FGF2: variants seen among roughly 807,000 people sequenced by gnomAD.
FGF2 encodes the protein basic fibroblast growth factor bFGF.
Under a neutral mutation model 15.9 loss-of-function variants are expected in FGF2, and 13 were observed. The ratio of observed to expected loss-of-function variants is 0.82; its 90% CI spans 0.53 to 1.30. The LOEUF (loss-of-function observed/expected upper bound fraction) is 1.30. Among genes scored for constraint, FGF2 ranks in the 50% most tolerant of loss-of-function variants. The probability of loss-of-function intolerance (pLI) is 0.00; values close to 1 mark genes in which losing one functional copy is unlikely to be tolerated. For synonymous variants in FGF2, 90 were observed against 78.4 expected (o/e 1.15, Z -0.78); for missense variants, 163 against 196.9 (o/e 0.83, Z 1.03).
chr4:122,857,054 A>T (rs1726356830), intron 1 of FGF2, among the ~76,000 whole-genome samples: 1 of 152,210 alleles, frequency 6.6e-6, no homozygotes, highest in Non-Finnish European at 1.5e-5. Flanking sequence ...TTGCTGTGCC[A>T]GGAGTCAGTG....
intron 1 of FGF2, among the ~76,000 whole-genome samples, chr4:122,850,347 T>C (rs1726204602): frequency 6.6e-6 from 1 of 152,194 alleles, no homozygotes; most frequent in South Asian, 2.1e-4. Flanking sequence ...TGGAACAATG[T>C]ACTTGGGAGG....
chr4:122,827,408 T>C lies in FGF2; in HGVS notation c.178+56T>C. On this transcript the variant is annotated intron_variant, in intron 1 of 2. Transcript: ENST00000644866. This position sits in a 1 kb window ranked among gnomAD's most constrained non-coding sequence, Gnocchi z 4.2. ...TTCCATTTCGTGGGTTCTCGCCCGC[T>C]CTCTCCCCTCCAGCCTGCACCCTCC... 4 of 1,583,188 alleles carry C rather than the reference T, an allele frequency of 2.5e-6. No individual in the cohort carries two copies. Among genetic ancestry groups the C allele is most frequent in the Non-Finnish European group, 3.5e-6 (4 of 1,155,404 alleles).
chr4:122,877,891 A>T (rs45490198), intron 2 of FGF2, among the ~76,000 whole-genome samples: 5 of 152,240 alleles, frequency 3.3e-5, no homozygotes, highest in Admixed American at 6.5e-5. Flanking sequence ...TGTATGACAA[A>T]GATATACTTA....
At chr4:122,839,941 C>G (rs148195501) in intron 1 of FGF2, among the ~76,000 whole-genome samples, 12 of 152,272 alleles carry the variant, frequency 7.9e-5, no homozygotes, top group African/African-American at 2.6e-4. Flanking sequence ...AGGCCCCTCT[C>G]CTTGGCTTGT....
intron 2 of FGF2, among the ~76,000 whole-genome samples, chr4:122,890,685 T>C (rs1308789364): frequency 6.6e-6 from 1 of 152,178 alleles, no homozygotes; most frequent in Non-Finnish European, 1.5e-5. Context: ...GTTTGCCTTA[T>C]CTTAGAACCA....
In FGF2 at chr4:122,827,479, C is replaced by T; in HGVS notation, c.178+127C>T. ...CCTAGCGCTCCGTGTGGTTTCTGGCCGCGCGGCCCTCGGCGGTTTCGGGTT... is the reference window on the plus strand; with the variant it reads ...CCTAGCGCTCCGTGTGGTTTCTGGCTGCGCGGCCCTCGGCGGTTTCGGGTT... On this transcript the variant is annotated intron_variant, in intron 1 of 2. Coordinates refer to ENST00000644866, the MANE Select transcript of FGF2 (RefSeq NM_001361665.2). This position sits in a 1 kb window ranked among gnomAD's most constrained non-coding sequence, Gnocchi z 4.2. The T allele has an allele frequency of 8.9e-7, 1 of 1,127,426 alleles. No homozygotes were observed. The highest frequency in any genetic ancestry group is 1.3e-6 in the Non-Finnish European group (1 of 770,602). The allele number at this position is 1,127,426 out of a possible 1,614,324, so 69.8% of individuals were successfully genotyped here. A position where few individuals can be genotyped will look rare whatever the true frequency, so the allele number is the denominator to read the frequency against.
At chr4:122,886,224 GT>G (rs942577934) in intron 2 of FGF2, among the ~76,000 whole-genome samples, 1 of 151,958 alleles carries the variant, frequency 6.6e-6, no homozygotes, top group African/African-American at 2.4e-5. Context: ...CTGACCTGAT[GT>G]TTTTTTCATG....
At chr4:122,841,195 T>A (rs1725977012) in intron 1 of FGF2, among the ~76,000 whole-genome samples, 7 of 152,236 alleles carry the variant, frequency 4.6e-5, no homozygotes, top group Admixed American at 4.6e-4. Context: ...CTCCAACAGC[T>A]AAATAAGTTT....
At chr4:122,872,075 T>G (rs1396263261) in intron 1 of FGF2, among the ~76,000 whole-genome samples, 1 of 152,120 alleles carries the variant, frequency 6.6e-6, no homozygotes, top group Admixed American at 6.6e-5. Context: ...AAAACTACGC[T>G]GAGCTAAAAG....
chr4:122,885,608 A>G (rs1578479900), intron 2 of FGF2, among the ~76,000 whole-genome samples: 2 of 152,188 alleles, frequency 1.3e-5, no homozygotes, highest in East Asian at 3.8e-4. Context: ...GAGTATCTAT[A>G]TACTCCACAC....
intron 1 of FGF2, among the ~76,000 whole-genome samples, chr4:122,835,338 GT>G (rs35967448): frequency 1.5e-4 from 22 of 145,314 alleles, no homozygotes; most frequent in Admixed American, 9.6e-4. Context: ...ACTTTCTTCT[GT>G]TTTTTTTTTG....
At chr4:122,862,658 G>A (rs998429649) in intron 1 of FGF2, among the ~76,000 whole-genome samples, 1 of 152,156 alleles carries the variant, frequency 6.6e-6, no homozygotes, top group Non-Finnish European at 1.5e-5. Flanking sequence ...TGTTTGTCAT[G>A]GATATTGTAG....
chr4:122,872,241 C>CA (rs1209976582), intron 1 of FGF2, among the ~76,000 whole-genome samples: 2 of 151,326 alleles, frequency 1.3e-5, no homozygotes, highest in African/African-American at 2.4e-5. Flanking sequence ...CAAGTATCAA[C>CA]ACCCAAATCA....
In FGF2 at chr4:122,826,851, G is replaced by A. The variant is rs1235542932; in HGVS notation, c.-324G>A. The stretch of plus-strand genomic sequence containing the variant: ...CGGGTGCCAGATTAGCGGACGCGGT[G>A]CCCGCGGTTGCAACGGGATCCCGGG... On this transcript the variant is annotated 5_prime_UTR_variant, in exon 1 of 3. Coordinates refer to ENST00000644866, the MANE Select transcript of FGF2 (RefSeq NM_001361665.2). The A allele has an allele frequency of 6.0e-6, 9 of 1,499,334 alleles. No homozygotes were observed. Among genetic ancestry groups the A allele is most frequent in the Non-Finnish European group, 8.0e-6 (9 of 1,121,962 alleles). 92.9% of individuals were successfully genotyped at this position (1,499,334 alleles called of 1,614,324 possible).
chr4:122,884,685 A>G (rs1305421383), intron 2 of FGF2: 1 of 152,174 alleles, frequency 6.6e-6, no homozygotes, highest in East Asian at 1.9e-4. Context: ...TGAAAAATCA[A>G]TGTACTGTAA....
At position 122,893,319 on chromosome 4, in the gene FGF2, G is replaced by A. The variant is rs919650766; in HGVS notation, c.*923G>A. On this transcript the variant is annotated 3_prime_UTR_variant, in exon 3 of 3. Coordinates refer to ENST00000644866, the MANE Select transcript of FGF2 (RefSeq NM_001361665.2). ...TCAGTTAAAGTAGCATTATGTAAAG[G>A]CTCAAAACATTACCCTAACAAAGTA... 1 of 1,214,948 alleles carries A rather than the reference G, an allele frequency of 8.2e-7. No individual in the cohort carries two copies. The highest frequency in any genetic ancestry group is 1.1e-6 in the Non-Finnish European group (1 of 890,494). The allele number at this position is 1,214,948 out of a possible 1,614,324, so 75.3% of individuals were successfully genotyped here. A position where few individuals can be genotyped will look rare whatever the true frequency, so the allele number is the denominator to read the frequency against.
chr4:122,854,004 G>C (rs538659362), intron 1 of FGF2, among the ~76,000 whole-genome samples: 1 of 152,286 alleles, frequency 6.6e-6, no homozygotes, highest in East Asian at 1.9e-4. Flanking sequence ...GAGCTGGGAT[G>C]GATGAAGGCT....
At chr4:122,830,711 A>G (rs1725746027) in intron 1 of FGF2, among the ~76,000 whole-genome samples, 1 of 149,252 alleles carries the variant, frequency 6.7e-6, no homozygotes, top group African/African-American at 2.5e-5. Flanking sequence ...AAGAGAGAAC[A>G]CTTTATCCCA....
intron 1 of FGF2, among the ~76,000 whole-genome samples, chr4:122,828,565 G>A (rs1036349503): frequency 1.3e-5 from 2 of 152,154 alleles, no homozygotes; most frequent in Non-Finnish European, 2.9e-5. Flanking sequence ...ATGCTAATGG[G>A]ATGTCATGAG....
Sources: allele counts gnomAD v4.1 joint callset (sites outside exome capture counted in the v4.1 genomes callset), GRCh38; gene constraint gnomAD v4.1.1; non-coding constraint Gnocchi (gnomAD v3.1); transcripts MANE v1.5; gene names NCBI Gene and HGNC (gene_info 2026-07-23, HGNC 2026-07-21).